The following AHCYL2 variants were observed in gnomAD, a reference collection of about 807,000 sequenced individuals.
AHCYL2 encodes adenosylhomocysteinase like 2, also known as S-adenosylhomocysteine hydrolase-like protein 2.
AHCYL2 carries 28 observed loss-of-function variants against 81.4 expected under a neutral mutation model. The ratio of observed to expected loss-of-function variants is 0.34; its 90% CI spans 0.25 to 0.47. AHCYL2 has a LOEUF of 0.47. AHCYL2 is among the 20% of genes least tolerant of loss of function. The pLI is 1.00. For missense variants in AHCYL2, 551 were observed against 785.1 expected (o/e 0.70, Z 3.56); for synonymous variants, 272 against 290.2 (o/e 0.94, Z 0.64).
chr7:129,242,451 C>T (rs1275312680), intron 1 of AHCYL2, among the ~76,000 whole-genome samples: 1 of 152,010 alleles, frequency 6.6e-6, no homozygotes, highest in Non-Finnish European at 1.5e-5. Context: ...GGTGCAGTGG[C>T]TCACGCCTAT....
chr7:129,337,664 G>T (rs1798651403), intron 1 of AHCYL2, among the ~76,000 whole-genome samples: 2 of 152,132 alleles, frequency 1.3e-5, no homozygotes, highest in Non-Finnish European at 2.9e-5. Flanking sequence ...TTCCCAAAGT[G>T]CTGGGATTAC....
In AHCYL2 at chr7:129,404,590, G is replaced by T. The variant is rs115674518; in HGVS notation, c.1026-507G>T. 5.0e-3 allele frequency among the ~76,000 whole-genome samples: 754 copies of T among 152,288 alleles called. 8 individuals carry two copies. The highest frequency in any genetic ancestry group is 0.017 in the African/African-American group (719 of 41,538). ...CTCAGGAGTCTGAAGCACAAAAATC[G>T]CTTGAACCCTGGAGGCAGAGGTTGC... On this transcript the variant is annotated intron_variant, in intron 7 of 16. Transcript: ENST00000325006.
intron 1 of AHCYL2, among the ~76,000 whole-genome samples, chr7:129,308,666 G>C (rs1407726746): frequency 6.6e-6 from 1 of 152,206 alleles, no homozygotes; most frequent in East Asian, 1.9e-4. Flanking sequence ...CTTCTCAGGA[G>C]AAGATTCTTT....
chr7:129,343,849 T>A (rs927957725), intron 1 of AHCYL2, among the ~76,000 whole-genome samples: 1 of 151,862 alleles, frequency 6.6e-6, no homozygotes, highest in Non-Finnish European at 1.5e-5. Context: ...GGTAAGTAAA[T>A]AAAAAGGCAA....
chr7:129,344,690 AGTT>A (rs1261766651), intron 1 of AHCYL2, among the ~76,000 whole-genome samples: 1 of 152,210 alleles, frequency 6.6e-6, no homozygotes, highest in Non-Finnish European at 1.5e-5. Context: ...AAAGGCCCTA[AGTT>A]GGAAAAGAAG....
intron 5 of AHCYL2, among the ~76,000 whole-genome samples, chr7:129,398,810 C>T (rs557511381): frequency 1.3e-5 from 2 of 152,012 alleles, no homozygotes; most frequent in African/African-American, 4.8e-5. Context: ...AATGATGATA[C>T]AAGGACATAT....
intron 1 of AHCYL2, among the ~76,000 whole-genome samples, chr7:129,248,421 A>C (rs1402147473): frequency 6.6e-6 from 1 of 152,172 alleles, no homozygotes; most frequent in Non-Finnish European, 1.5e-5. Flanking sequence ...CACCTAATAT[A>C]ATGTAAATGC....
intron 1 of AHCYL2, among the ~76,000 whole-genome samples, chr7:129,319,601 G>T (rs565102676): frequency 1.3e-5 from 2 of 152,334 alleles, no homozygotes; most frequent in African/African-American, 4.8e-5. Flanking sequence ...ATGTGGGGAA[G>T]CAGACGCATG....
chr7:129,385,916 A>G (rs1396809655), intron 2 of AHCYL2, among the ~76,000 whole-genome samples: 1 of 152,228 alleles, frequency 6.6e-6, no homozygotes, highest in Non-Finnish European at 1.5e-5. Flanking sequence ...CCTTAATACT[A>G]TCTCAACTGT....
chr7:129,236,938 G>A (rs1794664374), intron 1 of AHCYL2, among the ~76,000 whole-genome samples: 1 of 151,818 alleles, frequency 6.6e-6, no homozygotes, highest in African/African-American at 2.4e-5. Context: ...GGATACAGCA[G>A]TAAACAAAAC....
chr7:129,427,107 A>G lies in AHCYL2; in HGVS notation c.*62A>G, dbSNP rs572025369. ...AACTCCAAGCCTTTTCTCCACTACT[A>G]TACAAGAAAGAATTCAGCAAGCTGC... is the stretch of plus-strand genomic sequence containing the variant. On this transcript the variant is annotated 3_prime_UTR_variant, in exon 17 of 17. Transcript: ENST00000325006. The surrounding 1 kb of genome is among the most constrained non-coding windows in gnomAD (Gnocchi z 5.5). 13 of 1,521,312 alleles carry G rather than the reference A, an allele frequency of 8.5e-6. No homozygotes were observed. In the South Asian group the frequency reaches 1.3e-4, roughly 15 times the overall value. 94.2% of individuals were successfully genotyped at this position (1,521,312 alleles called of 1,614,324 possible). A position where few individuals can be genotyped will look rare whatever the true frequency, so the allele number is the denominator to read the frequency against.
intron 1 of AHCYL2, among the ~76,000 whole-genome samples, chr7:129,356,410 ACAGCCTTTCCAC>A (rs1185080612): frequency 6.6e-6 from 1 of 152,160 alleles, no homozygotes; most frequent in Non-Finnish European, 1.5e-5. Context: ...CAATTCTCCT[ACAGCCTTTCCAC>A]CCTATCCCCT....
chr7:129,248,801 C>G (rs1214825864), intron 1 of AHCYL2, among the ~76,000 whole-genome samples: 15 of 151,980 alleles, frequency 9.9e-5, no homozygotes. Flanking sequence ...ACTTCTGATA[C>G]ATGAACATGG....
intron 1 of AHCYL2, among the ~76,000 whole-genome samples, chr7:129,242,530 A>AC (rs1794899560): frequency 6.6e-6 from 1 of 152,080 alleles, no homozygotes; most frequent in Non-Finnish European, 1.5e-5. Context: ...AGTCTGGCCA[A>AC]TATAGTGAAA....
At chr7:129,306,259 G>T (rs555625905) in intron 1 of AHCYL2, among the ~76,000 whole-genome samples, 2 of 151,988 alleles carry the variant, frequency 1.3e-5, no homozygotes, top group African/African-American at 4.8e-5. Flanking sequence ...AGATCTTGTC[G>T]GTGTGCTTTA....
intron 13 of AHCYL2, among the ~76,000 whole-genome samples, chr7:129,424,399 AATC>A (rs1797261136): frequency 7.8e-6 from 1 of 128,398 alleles, no homozygotes. Context: ...GACTCCATCT[AATC>A]AATCAATCAA....
rs140649382 is a variant in AHCYL2 at position 129,308,223 on chromosome 7, A to G, written c.364-71415A>G. Among the ~76,000 whole-genome samples, 387 of 152,260 alleles carry G rather than the reference A, an allele frequency of 2.5e-3. 3 individuals carry two copies. The highest frequency in any genetic ancestry group is 8.7e-3 in the African/African-American group (363 of 41,548). ...CTTTCAAGTTTACTTAGAACCCCAG[A>G]GCACTTTAGCCCATGGTAGCAGGCC... On this transcript the variant is annotated intron_variant, in intron 1 of 16. Transcript: ENST00000325006.
intron 1 of AHCYL2, among the ~76,000 whole-genome samples, chr7:129,264,092 G>A (rs536614926): frequency 2.6e-4 from 39 of 152,294 alleles, no homozygotes; most frequent in African/African-American, 7.7e-4. Context: ...CGCCATCTCG[G>A]CTCACTGCAA....
intron 1 of AHCYL2, among the ~76,000 whole-genome samples, chr7:129,308,882 G>A (rs1797538022): frequency 6.6e-6 from 1 of 152,160 alleles, no homozygotes; most frequent in Admixed American, 6.5e-5. Context: ...TGGTCATGTG[G>A]TGGTTCTTAG....
Sources: gnomAD v4.1 joint callset for allele counts (sites outside exome capture counted in the v4.1 genomes callset) on GRCh38, gnomAD v4.1.1 for gene constraint, Gnocchi (gnomAD v3.1) non-coding constraint, MANE v1.5 for transcripts, NCBI Gene and HGNC (gene_info 2026-07-23, HGNC 2026-07-21) for gene names.